The following IL1RAPL1 variants were observed in gnomAD, a reference collection of about 807,000 sequenced individuals.
IL1RAPL1 encodes interleukin 1 receptor accessory protein like 1.
Under a neutral mutation model 48.4 loss-of-function variants are expected in IL1RAPL1, and 3 were observed. The ratio of observed to expected loss-of-function variants is 0.06; its 90% confidence interval spans 0.03 to 0.16. The LOEUF is 0.16. IL1RAPL1 is among the 10% of genes least tolerant of loss of function. The probability of loss-of-function intolerance (pLI) is 1.00; values close to 1 mark genes in which losing one functional copy is unlikely to be tolerated. For missense variants in IL1RAPL1, 349 were observed against 530.6 expected (o/e 0.66, Z 3.36); for synonymous variants, 185 against 187.7 (o/e 0.99, Z 0.12).
chrX:29,052,368 A>G lies in IL1RAPL1; in HGVS notation c.83-230570A>G, dbSNP rs1406472752. 3.6e-5 allele frequency among the ~76,000 whole-genome samples: 4 copies of G among 111,136 alleles called. No individual in the cohort carries two copies. In the East Asian group the frequency reaches 1.1e-3, roughly 31 times the overall value. ...TCCACAGTATGTCCAGAATTCAGTC[A>G]TTTCTCGTACCTCTCTTACAAGCAC... is the stretch of plus-strand genomic sequence containing the variant. On this transcript the variant is annotated intron_variant, in intron 2 of 10. Transcript: ENST00000378993.
intron 5 of IL1RAPL1, among the ~76,000 whole-genome samples, chrX:29,659,925 G>A (rs1925790739): frequency 1.8e-5 from 2 of 111,871 alleles, no homozygotes. Context: ...GAAGAAAAGA[G>A]GTTTAATTGA....
intron 2 of IL1RAPL1, among the ~76,000 whole-genome samples, chrX:28,960,807 G>C (rs188456132): frequency 9.1e-5 from 10 of 109,905 alleles, no homozygotes; most frequent in African/African-American, 3.3e-4. Flanking sequence ...AGGAGATCGA[G>C]ACCATCCTGG....
chrX:29,150,068 A>G (rs225048), intron 2 of IL1RAPL1, among the ~76,000 whole-genome samples: 40,221 of 111,179 alleles, frequency 0.36, 6,669 homozygotes, highest in Non-Finnish European at 0.51. Flanking sequence ...TCATTTAGAA[A>G]GGTTGAGAGA....
At chrX:28,908,812 G>T (rs1225580551) in intron 2 of IL1RAPL1, among the ~76,000 whole-genome samples, 1 of 111,629 alleles carries the variant, frequency 9.0e-6, no homozygotes, top group Non-Finnish European at 1.9e-5. Context: ...TTTAATAGTG[G>T]ATTTATCTAT....
intron 6 of IL1RAPL1, among the ~76,000 whole-genome samples, chrX:29,744,485 T>C: frequency 8.9e-6 from 1 of 112,480 alleles, no homozygotes; most frequent in Non-Finnish European, 1.9e-5. Context: ...CTTAAGGATC[T>C]TTGTTTTAAC....
At chrX:29,448,931 T>C (rs1934642985) in intron 5 of IL1RAPL1, among the ~76,000 whole-genome samples, 1 of 111,223 alleles carries the variant, frequency 9.0e-6, no homozygotes, top group African/African-American at 3.3e-5. Flanking sequence ...GTATCTTTTC[T>C]TCTTATAATG....
intron 2 of IL1RAPL1, among the ~76,000 whole-genome samples, chrX:29,023,833 C>G (rs1926424344): frequency 8.9e-6 from 1 of 111,761 alleles, no homozygotes; most frequent in African/African-American, 3.2e-5. Flanking sequence ...GCTACAAAAT[C>G]TAGTGGCATT....
chrX:29,649,189 A>G (rs922446230), intron 5 of IL1RAPL1, among the ~76,000 whole-genome samples: 3 of 111,653 alleles, frequency 2.7e-5, no homozygotes, highest in African/African-American at 9.8e-5. Context: ...AGTAATACCA[A>G]TTCTTCTCAA....
At position 29,889,079 on chromosome X, in the gene IL1RAPL1, A is replaced by G. The variant is rs545129360; in HGVS notation, c.779-28385A>G. On this transcript the variant is annotated intron_variant, in intron 6 of 10. Coordinates refer to ENST00000378993, the MANE Select transcript of IL1RAPL1 (RefSeq NM_014271.4). ...AAGAAAAATGCTTATAATTTTTTCT[A>G]TATGCATATGATTGATTTTAAAATG... 5.3e-5 allele frequency among the ~76,000 whole-genome samples: 6 copies of G among 112,240 alleles called. No homozygotes were observed. In the South Asian group the frequency reaches 1.8e-3, roughly 34 times the overall value.
At chrX:29,837,275 ATATATAT>A (rs1931037934) in intron 6 of IL1RAPL1, among the ~76,000 whole-genome samples, 1 of 44,979 alleles carries the variant, frequency 2.2e-5, no homozygotes, top group African/African-American at 7.6e-5. Context: ...AAAAAAAAAT[ATATATAT>A]ATATATATAT....
intron 6 of IL1RAPL1, among the ~76,000 whole-genome samples, chrX:29,903,160 G>C (rs1481168324): frequency 2.7e-5 from 2 of 75,239 alleles, no homozygotes; most frequent in Non-Finnish European, 5.1e-5. Context: ...ATTTGTCTCC[G>C]TGTGTGTGTG....
At chrX:29,656,204 C>T (rs1257418084) in intron 5 of IL1RAPL1, among the ~76,000 whole-genome samples, 1 of 112,644 alleles carries the variant, frequency 8.9e-6, no homozygotes, top group Non-Finnish European at 1.9e-5. Context: ...AACTTCCATA[C>T]TAACTGAAGT....
intron 5 of IL1RAPL1, among the ~76,000 whole-genome samples, chrX:29,497,155 A>G (rs1355423307): frequency 8.9e-6 from 1 of 112,061 alleles, no homozygotes; most frequent in African/African-American, 3.2e-5. Context: ...TACATTTTGG[A>G]AAAACCCCAC....
intron 2 of IL1RAPL1, among the ~76,000 whole-genome samples, chrX:29,279,953 G>A (rs991379068): frequency 9.0e-6 from 1 of 111,271 alleles, no homozygotes; most frequent in African/African-American, 3.3e-5. Context: ...AATCTTCTGA[G>A]ACTCGAATAA....
At chrX:29,511,070 A>G (rs1935388985) in intron 5 of IL1RAPL1, among the ~76,000 whole-genome samples, 1 of 111,314 alleles carries the variant, frequency 9.0e-6, no homozygotes, top group African/African-American at 3.3e-5. Flanking sequence ...GTAAAGGAGA[A>G]CTCATTACTT....
chrX:29,240,252 T>TTTTTTTTG (rs1172869846), intron 2 of IL1RAPL1, among the ~76,000 whole-genome samples: 1 of 62,249 alleles, frequency 1.6e-5, no homozygotes, highest in African/African-American at 5.5e-5. Context: ...TTTTTTTTTT[T>TTTTTTTTG]GAGGCAGAGT....
intron 2 of IL1RAPL1, among the ~76,000 whole-genome samples, chrX:29,073,844 C>T (rs1251655482): frequency 9.0e-6 from 1 of 111,441 alleles, no homozygotes; most frequent in African/African-American, 3.3e-5. Context: ...CTGCAAATTA[C>T]AGACAAGAAA....
At chrX:29,788,691 T>C (rs1929559856) in intron 6 of IL1RAPL1, among the ~76,000 whole-genome samples, 1 of 112,126 alleles carries the variant, frequency 8.9e-6, no homozygotes, top group Non-Finnish European at 1.9e-5. Context: ...AAATATACAT[T>C]CAATTATTTG....
At chrX:29,506,116 T>G in intron 5 of IL1RAPL1, among the ~76,000 whole-genome samples, 1 of 112,243 alleles carries the variant, frequency 8.9e-6, no homozygotes, top group Non-Finnish European at 1.9e-5. Flanking sequence ...TCTAATAAGT[T>G]TCTGAATTCA....
Sources: allele counts gnomAD v4.1 joint callset (sites outside exome capture counted in the v4.1 genomes callset), GRCh38; gene constraint gnomAD v4.1.1; transcripts MANE v1.5; gene names NCBI Gene and HGNC (gene_info 2026-07-23, HGNC 2026-07-21).